The following COL8A2 variants were observed in gnomAD, a reference collection of about 807,000 sequenced individuals.
The protein encoded by COL8A2 is collagen alpha-2(VIII) chain.
COL8A2 carries 16 observed loss-of-function variants against 24.0 expected under a neutral mutation model. The ratio of observed to expected loss-of-function variants is 0.67; its 90% CI spans 0.45 to 1.01. The LOEUF is 1.01. Among genes scored for constraint, COL8A2 ranks in the 50% least tolerant of loss-of-function variants. COL8A2 has a pLI of 0.00. For missense variants in COL8A2, 818 were observed against 942.4 expected (o/e 0.87, Z 1.73); for synonymous variants, 466 against 424.5 (o/e 1.10, Z -1.20).
chr1:36,102,122 T>A (rs2124080311), intron 2 of COL8A2, among the ~76,000 whole-genome samples: 1 of 152,162 alleles, frequency 6.6e-6, no homozygotes, highest in South Asian at 2.1e-4. Context: ...GAGGTTGCAG[T>A]GAGCTGCACT....
At chr1:36,107,344 C>T (rs1006868777) in intron 2 of COL8A2, among the ~76,000 whole-genome samples, 1 of 151,534 alleles carries the variant, frequency 6.6e-6, no homozygotes, top group Non-Finnish European at 1.5e-5. Context: ...TTTGAGGCCG[C>T]AGTGAGCCGT....
intron 1 of COL8A2, among the ~76,000 whole-genome samples, chr1:36,124,228 G>A (rs1253353310): frequency 6.6e-6 from 1 of 152,168 alleles, no homozygotes; most frequent in African/African-American, 2.4e-5. Context: ...ACCCAGCATG[G>A]TCTCACACAG....
In COL8A2 at chr1:36,104,011, T is replaced by C. The variant is rs995947362; in HGVS notation, c.-16-3753A>G. 4.0e-5 allele frequency among the ~76,000 whole-genome samples: 6 copies of C among 151,534 alleles called. No individual in the cohort carries two copies. In the South Asian group the frequency reaches 6.2e-4, roughly 16 times the overall value. ...GAGTTCAGGACCAGCCTGGCCAACA[T>C]GGTGAAACTCCATCTCCACTAAAAA... On this transcript the variant is annotated intron_variant, in intron 2 of 3. Transcript: ENST00000397799.
In COL8A2 at chr1:36,097,565, C is replaced by A. The variant is rs752179559; in HGVS notation, c.*4G>T. 3.1e-6 allele frequency: 5 copies of A among 1,599,678 alleles called. No homozygotes were observed. The highest frequency in any genetic ancestry group is 1.1e-5 in the South Asian group (1 of 90,466). On this transcript the variant is annotated 3_prime_UTR_variant, in exon 4 of 4. Transcript: ENST00000397799. The stretch of plus-strand genomic sequence containing the variant: ...GGCCAGGGCAGCAGGACCCCCCCCG[C>A]GGGTTATGTGGGGCAGAGCAAGAAT...
chr1:36,117,899 C>T (rs1008408067), intron 1 of COL8A2, among the ~76,000 whole-genome samples: 1 of 152,018 alleles, frequency 6.6e-6, no homozygotes, highest in African/African-American at 2.4e-5. Context: ...AATTTGAACC[C>T]TGGCTGCAGG....
chr1:36,107,646 A>C (rs1456113379), intron 2 of COL8A2, among the ~76,000 whole-genome samples: 2 of 152,152 alleles, frequency 1.3e-5, no homozygotes, highest in African/African-American at 4.8e-5. Flanking sequence ...TGTGCGGCCT[A>C]TTCAAGGGGC....
Position 36,115,876 on chromosome 1 carries a change from A to C in COL8A2, c.-61-124T>G, listed in dbSNP as rs1200098473. ...CAGGAGTTTGAGACCAGCCTGGGCA[A>C]CATAGGGAGACATTGTCTGTACTAA... On this transcript the variant is annotated intron_variant, in intron 1 of 3. Transcript: ENST00000397799. The surrounding 1 kb of genome is among the most constrained non-coding windows in gnomAD (Gnocchi z 5.7). 3.2e-6 allele frequency: 1 copy of C among 317,212 alleles called. No individual in the cohort carries two copies. The highest frequency in any genetic ancestry group is 2.3e-5 in the African/African-American group (1 of 44,376). The allele number at this position is 317,212 out of a possible 1,614,324, so 19.6% of individuals were successfully genotyped here.
intron 2 of COL8A2, among the ~76,000 whole-genome samples, chr1:36,105,352 C>T (rs1028783580): frequency 1.3e-5 from 2 of 152,236 alleles, no homozygotes; most frequent in Non-Finnish European, 2.9e-5. Context: ...GGCCATAGCT[C>T]ACTTTAATCC....
chr1:36,100,109 T>G lies in COL8A2; in HGVS notation c.134A>C (p.Gln45Pro). The change falls in exon 3 of 4, where the codon CAG (glutamine) becomes CCG (proline). Residue 45 changes from glutamine (Q) to proline (P), a missense_variant. Gln to Pro is a moderately conservative substitution (Grantham distance 76). Transcript: ENST00000397799. ...TCCCACAGGTCCTTTCTGCATGGGC[T>G]GGATGTACTTCACTGGGGCATAGCC... ...AAGYAPVKYI[Q>P]PMQKGPVGPP... 1 of 1,613,046 alleles carries G rather than the reference T, an allele frequency of 6.2e-7. No individual in the cohort carries two copies. Among genetic ancestry groups the G allele is most frequent in the Non-Finnish European group, 8.5e-7 (1 of 1,179,390 alleles).
In COL8A2 at chr1:36,112,630, A is replaced by G. The variant is rs148275819; in HGVS notation, c.-17+3078T>C. On this transcript the variant is annotated intron_variant, in intron 2 of 3. Coordinates refer to ENST00000397799, the MANE Select transcript of COL8A2 (RefSeq NM_005202.4). ...TGGCACACCCCCGTCACTAAGTAAA[A>G]GTGTGTTAAATGGCCACATTCTCTC... 3.9e-3 allele frequency among the ~76,000 whole-genome samples: 593 copies of G among 152,190 alleles called. 6 individuals carry two copies. Among genetic ancestry groups the G allele is most frequent in the African/African-American group, 0.013 (548 of 41,528 alleles).
Position 36,097,864 on chromosome 1 carries a change from T to C in COL8A2, c.1817A>G (p.Asn606Ser). ...RTLYNGHSGY[N>S]PATGIFTCPV... The stretch of plus-strand genomic sequence containing the variant: ...GCAGGTGAAGATGCCAGTGGCTGGG[T>C]TGTAGCCGCTGTGGCCATTGTAGAG... The change falls in exon 4 of 4, where the codon AAC becomes AGC. Residue 606 changes from asparagine to serine, a missense_variant. By Grantham distance (46) the Asn-to-Ser change is conservative. This residue lies in a region of COL8A2 where 235 missense variants were observed against 297.3 expected (regional missense o/e 0.79). Transcript: ENST00000397799. 1 of 1,612,278 alleles carries C rather than the reference T, an allele frequency of 6.2e-7. No individual in the cohort carries two copies. The highest frequency in any genetic ancestry group is 8.5e-7 in the Non-Finnish European group (1 of 1,179,898).
In COL8A2 at chr1:36,098,411, C is replaced by A; in HGVS notation, c.1270G>T (p.Gly424Trp). 6.3e-7 allele frequency: 1 copy of A among 1,580,032 alleles called. No individual in the cohort carries two copies. Among genetic ancestry groups the A allele is most frequent in the Non-Finnish European group, 8.6e-7 (1 of 1,163,402 alleles). The change falls in exon 4 of 4, where the codon GGG (glycine) becomes TGG (tryptophan). Residue 424 changes from glycine (G) to tryptophan (W), a missense_variant. By Grantham distance (184) the Gly-to-Trp change is radical. Coordinates refer to ENST00000397799, the MANE Select transcript of COL8A2 (RefSeq NM_005202.4). Reference sequence around the variant, plus strand: ...GTGAAACCCGGCTCACCCTTGGGCCCAGTTGGTCCAGGGGGTCCATGGGCC... The same window carrying A: ...GTGAAACCCGGCTCACCCTTGGGCCAAGTTGGTCCAGGGGGTCCATGGGCC... ...PGAHGPPGPT[G>W]PKGEPGFTGR...
chr1:36,102,822 C>T (rs1643699129), intron 2 of COL8A2, among the ~76,000 whole-genome samples: 1 of 151,586 alleles, frequency 6.6e-6, no homozygotes. Flanking sequence ...CAGGGGCCTG[C>T]CACCACACCC....
At chr1:36,102,221 T>C (rs1249311202) in intron 2 of COL8A2, among the ~76,000 whole-genome samples, 3 of 152,120 alleles carry the variant, frequency 2.0e-5, no homozygotes, top group Non-Finnish European at 2.9e-5. Context: ...CACAGATGAA[T>C]CTTGAAAACA....
intron 2 of COL8A2, among the ~76,000 whole-genome samples, chr1:36,113,101 G>C (rs917844748): frequency 1.3e-5 from 2 of 152,170 alleles, no homozygotes; most frequent in African/African-American, 4.8e-5. Context: ...GGTCACGTTT[G>C]GAGGCACACA....
rs141682102 is a variant in COL8A2, at chr1:36,097,678, C to T, written c.2003G>A (p.Arg668Gln). The T allele has an allele frequency of 1.8e-5, 29 of 1,612,880 alleles. No homozygotes were observed. Among genetic ancestry groups the T allele is most frequent in the African/African-American group, 1.1e-4 (8 of 75,026 alleles). Reference sequence around the variant, plus strand: ...CTGCACCCAGACCTGGTCGTTGGGCCGCAGCTGGAGCACGGCCCCACCAGA... The same window carrying T: ...CTGCACCCAGACCTGGTCGTTGGGCTGCAGCTGGAGCACGGCCCCACCAGA... ...QASGGAVLQLRPNDQVWVQMP... is the reference protein window; with the variant it reads ...QASGGAVLQLQPNDQVWVQMP... The change falls in exon 4 of 4, where the codon CGG becomes CAG. Residue 668 changes from arginine to glutamine, a missense_variant. Physicochemically the swap from Arg to Gln is conservative, Grantham distance 43. This residue lies in a region of COL8A2 where 235 missense variants were observed against 297.3 expected (regional missense o/e 0.79). Coordinates refer to ENST00000397799, the MANE Select transcript of COL8A2 (RefSeq NM_005202.4).
rs140824557 is a variant in COL8A2, at chr1:36,119,648, G to T, written c.-61-3896C>A. On this transcript the variant is annotated intron_variant, in intron 1 of 3. Transcript: ENST00000397799. Reference sequence around the variant, plus strand: ...AGCAGAGCCGTGGTCGCCTGTCAGGGAGCGTGGCCTGGAGTGCCCACGCAG... The same window carrying T: ...AGCAGAGCCGTGGTCGCCTGTCAGGTAGCGTGGCCTGGAGTGCCCACGCAG... Among the ~76,000 whole-genome samples, 336 of 152,314 alleles carry T rather than the reference G, an allele frequency of 2.2e-3. 1 individual carries two copies. The highest frequency in any genetic ancestry group is 7.6e-3 in the African/African-American group (316 of 41,560).
intron 2 of COL8A2, among the ~76,000 whole-genome samples, chr1:36,105,740 G>A (rs1196630399): frequency 2.6e-5 from 4 of 151,752 alleles, no homozygotes; most frequent in African/African-American, 9.7e-5. Context: ...TTGAGCCCAG[G>A]ACTTTGAGAT....
intron 2 of COL8A2, among the ~76,000 whole-genome samples, chr1:36,104,356 G>T (rs1643724309): frequency 6.6e-6 from 1 of 151,904 alleles, no homozygotes; most frequent in South Asian, 2.1e-4. Context: ...GCTGGGCGTG[G>T]TGGCATGCAC....
Sources: allele counts gnomAD v4.1 joint callset (sites outside exome capture counted in the v4.1 genomes callset), GRCh38; gene constraint gnomAD v4.1.1; regional missense constraint gnomAD v4.1.1; non-coding constraint Gnocchi (gnomAD v3.1); transcripts MANE v1.5; gene names NCBI Gene and HGNC (gene_info 2026-07-23, HGNC 2026-07-21).